The following CCDC68 variants were observed in gnomAD, a reference collection of about 807,000 sequenced individuals.
CCDC68 encodes the protein coiled-coil domain-containing protein 68.
Under a neutral mutation model 47.1 loss-of-function variants are expected in CCDC68, and 45 were observed. The observed-to-expected ratio is 0.96, with a 90% confidence interval of 0.75 to 1.23. The LOEUF (loss-of-function observed/expected upper bound fraction) is 1.23, where lower values mean the gene tolerates loss of function less well. Among genes scored for constraint, CCDC68 ranks in the 50% most tolerant of loss-of-function variants. The pLI, the probability that CCDC68 is intolerant of heterozygous loss-of-function variation, is 0.00. For synonymous variants in CCDC68, 131 were observed against 129.5 expected (o/e 1.01, Z -0.08); for missense variants, 353 against 373.6 (o/e 0.94, Z 0.45).
chr18:54,942,211 T>G (rs911758085), intron 3 of CCDC68, among the ~76,000 whole-genome samples: 1 of 152,208 alleles, frequency 6.6e-6, no homozygotes, highest in Non-Finnish European at 1.5e-5. Context: ...ACATGTTTAA[T>G]GAAGTGATAT....
chr18:54,953,609 G>A (rs2044658989), intron 1 of CCDC68, among the ~76,000 whole-genome samples: 1 of 151,116 alleles, frequency 6.6e-6, no homozygotes, highest in South Asian at 2.1e-4. Flanking sequence ...AAAAACAACA[G>A]GCAACTGGGC....
At chr18:54,922,253 G>A (rs2044073394) in intron 8 of CCDC68, among the ~76,000 whole-genome samples, 3 of 152,164 alleles carry the variant, frequency 2.0e-5, no homozygotes, top group Non-Finnish European at 4.4e-5. Context: ...AGCGGGTAAG[G>A]TGCCACACCC....
rs570426054 is a variant in CCDC68 at position 54,902,011 on chromosome 18, G to A, written c.*2347C>T. On this transcript the variant is annotated 3_prime_UTR_variant, in exon 12 of 12. Coordinates refer to ENST00000591504, the MANE Select transcript of CCDC68 (RefSeq NM_025214.3). The stretch of plus-strand genomic sequence containing the variant: ...TATTATAAAGACAGCTACTCGGGAG[G>A]CTGAGGCAGGAGAATCGTTTAGTTT... 1.3e-5 allele frequency: 2 copies of A among 152,128 alleles called. No individual in the cohort carries two copies. The highest frequency in any genetic ancestry group is 2.9e-5 in the Non-Finnish European group (2 of 68,032). The allele number at this position is 152,128 out of a possible 1,614,324, so 9.4% of individuals were successfully genotyped here.
intron 10 of CCDC68, among the ~76,000 whole-genome samples, chr18:54,912,693 A>C (rs1385816371): frequency 1.3e-5 from 2 of 152,188 alleles, no homozygotes; most frequent in African/African-American, 4.8e-5. Flanking sequence ...TGACGCTGCT[A>C]ATAAAGATGT....
Position 54,922,658 on chromosome 18 carries a change from G to A in CCDC68, c.684-3282C>T, listed in dbSNP as rs568591094. Among the ~76,000 whole-genome samples the A allele has an allele frequency of 5.9e-5, 9 of 152,144 alleles. No homozygotes were observed. In the East Asian group the frequency reaches 1.5e-3, roughly 26 times the overall value. On this transcript the variant is annotated intron_variant, in intron 8 of 11. Transcript: ENST00000591504. ...ACTTGAAACCAGGAGTTCAAGACCA[G>A]CCTGGCCAACATGGCAAAATCCATC...
chr18:54,912,246 TATAAG>T lies in CCDC68; in HGVS notation c.874-4389_874-4385del, dbSNP rs1273543138. Among the ~76,000 whole-genome samples, 18 of 152,164 alleles carry T rather than the reference TATAAG, an allele frequency of 1.2e-4. No homozygotes were observed. The East Asian group carries it at 2.5e-3, about 21-fold the overall frequency. On this transcript the variant is annotated intron_variant, in intron 10 of 11. Coordinates refer to ENST00000591504, the MANE Select transcript of CCDC68 (RefSeq NM_025214.3). ...GCGAAGAAACTAGAAATGCAAGAAA[TATAAG>T]ATGAGTGTCAGAGCTGTAAATTAAG...
At chr18:54,914,199 G>A (rs1478946625) in intron 10 of CCDC68, among the ~76,000 whole-genome samples, 2 of 152,190 alleles carry the variant, frequency 1.3e-5, no homozygotes, top group Non-Finnish European at 2.9e-5. Context: ...GCTCAAATGG[G>A]TGTAGTAACA....
At chr18:54,932,411 G>C (rs1217723263) in intron 7 of CCDC68, among the ~76,000 whole-genome samples, 1 of 151,566 alleles carries the variant, frequency 6.6e-6, no homozygotes, top group Non-Finnish European at 1.5e-5. Context: ...GGCTCGTCTT[G>C]AACTCCTGGC....
intron 1 of CCDC68, among the ~76,000 whole-genome samples, chr18:54,950,029 A>G (rs1404207098): frequency 3.4e-4 from 51 of 152,078 alleles, no homozygotes; most frequent in Admixed American, 3.3e-3. Flanking sequence ...AGATCCTCCC[A>G]TTTTCCAAAC....
intron 11 of CCDC68, among the ~76,000 whole-genome samples, chr18:54,904,937 A>G (rs1387716450): frequency 6.6e-6 from 1 of 152,176 alleles, no homozygotes; most frequent in Non-Finnish European, 1.5e-5. Context: ...TTGTTTAACA[A>G]CATGGCCCCT....
chr18:54,915,908 G>A (rs982130440), intron 10 of CCDC68, among the ~76,000 whole-genome samples: 7 of 152,122 alleles, frequency 4.6e-5, no homozygotes, highest in East Asian at 1.9e-4. Context: ...CAGCCTAGGC[G>A]ACAGAGTGAG....
At chr18:54,928,698 T>C in intron 8 of CCDC68, 102 bp downstream of exon 8, 3 of 726,014 alleles carry the variant, frequency 4.1e-6, no homozygotes, top group Admixed American at 4.7e-5. Flanking sequence ...TCAGTCATCC[T>C]ATTTCTTTGG....
intron 10 of CCDC68, among the ~76,000 whole-genome samples, chr18:54,913,457 C>A (rs896264774): frequency 2.0e-5 from 3 of 152,252 alleles, no homozygotes; most frequent in East Asian, 3.9e-4. Context: ...ACATTTTATT[C>A]TAGCTTAAAA....
At chr18:54,912,971 A>G (rs907679182) in intron 10 of CCDC68, among the ~76,000 whole-genome samples, 3 of 152,166 alleles carry the variant, frequency 2.0e-5, no homozygotes, top group African/African-American at 7.2e-5. Flanking sequence ...CCCTCCCACA[A>G]CACATGGGGA....
intron 10 of CCDC68, among the ~76,000 whole-genome samples, chr18:54,908,982 T>C (rs548550969): frequency 2.0e-5 from 3 of 152,306 alleles, no homozygotes; most frequent in East Asian, 1.9e-4. Context: ...AGTGCTGGGA[T>C]TGTAGGTGTG....
chr18:54,909,967 C>A (rs1914257760), intron 10 of CCDC68, among the ~76,000 whole-genome samples: 1 of 152,234 alleles, frequency 6.6e-6, no homozygotes, highest in Non-Finnish European at 1.5e-5. Context: ...TGTGTTACAG[C>A]TCTTTTAGCC....
At chr18:54,943,977 G>A (rs903889543) in intron 2 of CCDC68, among the ~76,000 whole-genome samples, 10 of 152,028 alleles carry the variant, frequency 6.6e-5, no homozygotes, top group African/African-American at 2.2e-4. Context: ...CCAACATGGT[G>A]GAACCCCGTC....
intron 2 of CCDC68, among the ~76,000 whole-genome samples, chr18:54,943,240 G>A (rs1418949111): frequency 2.0e-5 from 3 of 151,972 alleles, no homozygotes; most frequent in Non-Finnish European, 2.9e-5. Context: ...TTTACTATTA[G>A]GAGAACTAAT....
At chr18:54,918,676 G>T (rs1348750081) in intron 9 of CCDC68, among the ~76,000 whole-genome samples, 2 of 152,218 alleles carry the variant, frequency 1.3e-5, no homozygotes, top group African/African-American at 4.8e-5. Flanking sequence ...AGGCTCTGGA[G>T]TATTTGGGAG....
Sources: gnomAD v4.1 joint callset for allele counts (sites outside exome capture counted in the v4.1 genomes callset) on GRCh38, gnomAD v4.1.1 for gene constraint, MANE v1.5 for transcripts, NCBI Gene and HGNC (gene_info 2026-07-23, HGNC 2026-07-21) for gene names.